PLEKHO2: variants seen among roughly 807,000 people sequenced by gnomAD.
PLEKHO2 encodes the protein pleckstrin homology domain-containing family O member 2.
In PLEKHO2, 20 loss-of-function variants were observed where a neutral mutation model predicts 32.7. The observed-to-expected ratio is 0.61, with a 90% CI of 0.43 to 0.89. PLEKHO2 has a LOEUF of 0.89. Ranked by LOEUF, PLEKHO2 falls within the 40% of genes least tolerant of loss-of-function variation. The pLI is 0.00. For synonymous variants in PLEKHO2, 247 were observed against 246.3 expected (o/e 1.00, Z -0.03); for missense variants, 568 against 621.2 (o/e 0.91, Z 0.91).
At chr15:64,845,214 CTTTT>C (rs771584682) in intron 1 of PLEKHO2, among the ~76,000 whole-genome samples, 1 of 121,288 alleles carries the variant, frequency 8.2e-6, no homozygotes. Context: ...GACCTGGCTT[CTTTT>C]TTTTTTTTTT....
In PLEKHO2 at chr15:64,865,071, G is replaced by T; in HGVS notation, c.656G>T (p.Gly219Val). 3 of 1,614,090 alleles carry T rather than the reference G, an allele frequency of 1.9e-6. No individual in the cohort carries two copies. ...CTAGCACCTGAGACCACCAGCCCTG[G>T]TGACAGGGTGGAGACCCCTGTGGGG... ...PFLAPETTSP[G>V]DRVETPVGER... Residue 219 changes from glycine (G) to valine (V), a missense_variant, in exon 6 of 6, where the codon GGT becomes GTT. Gly to Val is a moderately radical substitution (Grantham distance 109). Transcript: ENST00000323544.
chr15:64,860,930 C>T (rs765345563), intron 4 of PLEKHO2, among the ~76,000 whole-genome samples: 6 of 152,252 alleles, frequency 3.9e-5, no homozygotes, highest in Non-Finnish European at 8.8e-5. Context: ...CAGGCTGCTC[C>T]AGGGTTCTGA....
intron 1 of PLEKHO2, among the ~76,000 whole-genome samples, chr15:64,843,913 A>G (rs991861581): frequency 2.0e-5 from 3 of 151,936 alleles, no homozygotes; most frequent in Non-Finnish European, 4.4e-5. Context: ...AGATGCCCAA[A>G]GCTCTCTAAA....
chr15:64,847,620 G>A (rs1318222441), intron 1 of PLEKHO2, among the ~76,000 whole-genome samples: 1 of 152,136 alleles, frequency 6.6e-6, no homozygotes, highest in Non-Finnish European at 1.5e-5. Context: ...CATGTATCTG[G>A]CACCCAGCCA....
chr15:64,845,681 G>A (rs1297682852), intron 1 of PLEKHO2, among the ~76,000 whole-genome samples: 1 of 152,170 alleles, frequency 6.6e-6, no homozygotes, highest in African/African-American at 2.4e-5. Flanking sequence ...ATTCTTCAAG[G>A]ACCTGGACTT....
At chr15:64,851,422 C>T (rs1250409725) in intron 2 of PLEKHO2, among the ~76,000 whole-genome samples, 1 of 152,192 alleles carries the variant, frequency 6.6e-6, no homozygotes, top group Non-Finnish European at 1.5e-5. Flanking sequence ...ATCTCCCAAA[C>T]ATGAAAAATC....
intron 5 of PLEKHO2, among the ~76,000 whole-genome samples, chr15:64,863,695 G>A (rs1344741392): frequency 6.6e-6 from 1 of 151,794 alleles, no homozygotes. Context: ...GGAGGCTGCA[G>A]TGAGCTGTGA....
At chr15:64,853,681 C>A (rs74723481) in intron 2 of PLEKHO2, among the ~76,000 whole-genome samples, 1 of 152,140 alleles carries the variant, frequency 6.6e-6, no homozygotes, top group African/African-American at 2.4e-5. Flanking sequence ...TGCAGAGCAA[C>A]CTACTGCCTG....
intron 3 of PLEKHO2, among the ~76,000 whole-genome samples, chr15:64,856,686 C>T (rs72733256): frequency 0.018 from 2,754 of 152,324 alleles, 57 homozygotes; most frequent in South Asian, 0.031. Flanking sequence ...GGAGATGGGG[C>T]TGTGGAGCAA....
chr15:64,860,656 C>T (rs919352483), intron 4 of PLEKHO2, among the ~76,000 whole-genome samples: 1 of 152,256 alleles, frequency 6.6e-6, no homozygotes, highest in African/African-American at 2.4e-5. Context: ...CCAAGCAAGT[C>T]CCCTCTTAAT....
chr15:64,848,477 A>T, intron 1 of PLEKHO2, 116 bp from the exon 2 acceptor site: 7 of 1,208,038 alleles, frequency 5.8e-6, no homozygotes, highest in Admixed American at 4.3e-5. Context: ...AAGCTCACAT[A>T]TTATGATGTC....
chr15:64,849,605 G>A lies in PLEKHO2; in HGVS notation c.162+863G>A, dbSNP rs562587498. ...ATCACATGCGTCAGCTACCACACCC[G>A]GCTAATTTTGTATTTTTAGTAGAGA... On this transcript the variant is annotated intron_variant, in intron 2 of 5. Coordinates refer to ENST00000323544, the MANE Select transcript of PLEKHO2 (RefSeq NM_025201.5). Among the ~76,000 whole-genome samples, 10 of 150,674 alleles carry A rather than the reference G, an allele frequency of 6.6e-5. No individual in the cohort carries two copies. In the South Asian group the frequency reaches 2.1e-3, roughly 31 times the overall value.
intron 3 of PLEKHO2, among the ~76,000 whole-genome samples, chr15:64,857,775 G>A (rs1386070383): frequency 1.3e-5 from 2 of 152,212 alleles, no homozygotes; most frequent in Non-Finnish European, 2.9e-5. Flanking sequence ...CTTCAGGTGG[G>A]CTGGGCCAGT....
intron 1 of PLEKHO2, among the ~76,000 whole-genome samples, chr15:64,844,014 G>C (rs1184962177): frequency 6.6e-6 from 1 of 152,102 alleles, no homozygotes; most frequent in African/African-American, 2.4e-5. Flanking sequence ...ACTCCCCTTT[G>C]GCATCCCTAA....
intron 2 of PLEKHO2, 51 bp from the exon 3 acceptor site, chr15:64,854,870 G>A (rs1313827679): frequency 2.1e-6 from 3 of 1,403,776 alleles, no homozygotes; most frequent in South Asian, 1.2e-5. Flanking sequence ...GTTGAGGGTG[G>A]TGGTGGGTCT....
intron 1 of PLEKHO2, among the ~76,000 whole-genome samples, chr15:64,844,842 G>GA (rs1258561345): frequency 6.6e-6 from 1 of 152,112 alleles, no homozygotes; most frequent in African/African-American, 2.4e-5. Flanking sequence ...AGCTAGGACC[G>GA]GTGCATCCCT....
rs2084681797 is a variant in PLEKHO2 at position 64,865,825 on chromosome 15, A to G, written c.1410A>G (p.Glu470=). 6.2e-7 allele frequency: 1 copy of G among 1,613,316 alleles called. No homozygotes were observed. Among genetic ancestry groups the G allele is most frequent in the Non-Finnish European group, 8.5e-7 (1 of 1,180,024 alleles). The change falls in exon 6 of 6, where the codon GAA becomes GAG. Residue 470 remains glutamate (E), a synonymous_variant. Transcript: ENST00000323544. ...GAGATTTGGGAGAGCTGAGCCAGGA[A>G]GCACCTGGGCTAAGGGAGAAGCGGA... ...EMRDLGELSQ[E]APGLREKRKE... is the part of the protein sequence containing the mutation.
At position 64,865,647 on chromosome 15, in the gene PLEKHO2, G is replaced by A. The variant is rs1170001669; in HGVS notation, c.1232G>A (p.Arg411Gln). The A allele has an allele frequency of 3.1e-6, 5 of 1,614,088 alleles. No individual in the cohort carries two copies. The highest frequency in any genetic ancestry group is 1.3e-5 in the African/African-American group (1 of 74,934). The change falls in exon 6 of 6, where the codon CGG becomes CAG. Residue 411 changes from arginine (R) to glutamine (Q), a missense_variant. Transcript: ENST00000323544. ...TTGCAGCCCAGGGAACGGCTATATC[G>A]GGCCCAGCTGGAGGTGAAGGTGGCC... ...HPLQPRERLY[R>Q]AQLEVKVASE...
intron 1 of PLEKHO2, among the ~76,000 whole-genome samples, chr15:64,845,541 C>T (rs1434086084): frequency 6.6e-6 from 1 of 152,152 alleles, no homozygotes; most frequent in African/African-American, 2.4e-5. Context: ...AGGACTCTGG[C>T]CTCCAGCCAG....
Sources: allele counts gnomAD v4.1 joint callset (sites outside exome capture counted in the v4.1 genomes callset), GRCh38; gene constraint gnomAD v4.1.1; transcripts MANE v1.5; gene names NCBI Gene and HGNC (gene_info 2026-07-23, HGNC 2026-07-21).